Variants in NOS1AP observed in about 807,000 individuals in gnomAD.
NOS1AP encodes carboxyl-terminal PDZ ligand of neuronal nitric oxide synthase protein.
In NOS1AP, 21 loss-of-function variants were observed where a neutral mutation model predicts 56.2. The ratio of observed to expected loss-of-function variants is 0.37; its 90% CI spans 0.26 to 0.54. The LOEUF (loss-of-function observed/expected upper bound fraction) is 0.54. Ranked by LOEUF, NOS1AP falls within the 20% of genes least tolerant of loss-of-function variation. The pLI, the probability that NOS1AP is intolerant of heterozygous loss-of-function variation, is 0.84. For synonymous variants in NOS1AP, 270 were observed against 274.6 expected (o/e 0.98, Z 0.17); for missense variants, 522 against 657.8 (o/e 0.79, Z 2.26).
chr1:162,209,688 A>G (rs1652283138), intron 2 of NOS1AP, among the ~76,000 whole-genome samples: 2 of 152,066 alleles, frequency 1.3e-5, no homozygotes, highest in Non-Finnish European at 2.9e-5. Context: ...GTTGGGCCAG[A>G]GCCCTCCCAA....
At chr1:162,158,824 C>G (rs1228427566) in intron 2 of NOS1AP, among the ~76,000 whole-genome samples, 1 of 152,164 alleles carries the variant, frequency 6.6e-6, no homozygotes, top group Non-Finnish European at 1.5e-5. Context: ...TTGTCCTGCT[C>G]GCTCTTTGTT....
At chr1:162,171,132 A>G (rs1305757452) in intron 2 of NOS1AP, among the ~76,000 whole-genome samples, 2 of 152,080 alleles carry the variant, frequency 1.3e-5, no homozygotes, top group East Asian at 3.9e-4. Flanking sequence ...CACACTCAGC[A>G]TTGTTGCTGC....
chr1:162,185,207 C>CCATCTG (rs1306824957), intron 2 of NOS1AP, among the ~76,000 whole-genome samples: 1 of 152,176 alleles, frequency 6.6e-6, no homozygotes, highest in Non-Finnish European at 1.5e-5. Flanking sequence ...AGTGGCTGAT[C>CCATCTG]CAGGATAATC....
chr1:162,078,592 C>A (rs1037158023), intron 1 of NOS1AP, among the ~76,000 whole-genome samples: 1 of 152,164 alleles, frequency 6.6e-6, no homozygotes. Context: ...CTGAAGGCCT[C>A]CAGTGTCCCA....
chr1:162,075,863 G>C (rs186842352), intron 1 of NOS1AP, among the ~76,000 whole-genome samples: 4 of 152,118 alleles, frequency 2.6e-5, no homozygotes, highest in Admixed American at 2.0e-4. Flanking sequence ...ATTGCTCTCA[G>C]ATGTCCCAGT....
chr1:162,137,792 A>G (rs74125923), intron 1 of NOS1AP, among the ~76,000 whole-genome samples: 9,721 of 152,116 alleles, frequency 0.064, 529 homozygotes, highest in East Asian at 0.18. Context: ...GTGTTGCTGT[A>G]TACCTAGACG....
In NOS1AP at chr1:162,082,211, A is replaced by G. The variant is rs1409239957; in HGVS notation, c.105+11929A>G. ...GTATTTGTTTTTTTTTTGTTCCTGC[A>G]TTAGTTTGCTAAGGATAATGGCTTC... On this transcript the variant is annotated intron_variant, in intron 1 of 9. Transcript: ENST00000361897. Among the ~76,000 whole-genome samples, 12 of 151,678 alleles carry G rather than the reference A, an allele frequency of 7.9e-5. No individual in the cohort carries two copies. In the East Asian group the frequency reaches 9.7e-4, roughly 12 times the overall value.
chr1:162,272,912 C>T (rs899445128), intron 2 of NOS1AP, among the ~76,000 whole-genome samples: 33 of 152,210 alleles, frequency 2.2e-4, no homozygotes, highest in African/African-American at 7.2e-4. Flanking sequence ...CATTATTCCT[C>T]CAATAATGGA....
chr1:162,112,523 C>A (rs1027678380), intron 1 of NOS1AP, among the ~76,000 whole-genome samples: 4 of 152,168 alleles, frequency 2.6e-5, no homozygotes, highest in African/African-American at 7.2e-5. Context: ...CCTGGAGGGC[C>A]CATCCTGCTG....
At chr1:162,086,439 A>C (rs925181445) in intron 1 of NOS1AP, among the ~76,000 whole-genome samples, 1 of 152,108 alleles carries the variant, frequency 6.6e-6, no homozygotes, top group Non-Finnish European at 1.5e-5. Flanking sequence ...TTCCTTGCCC[A>C]CCCTGAGTAG....
At chr1:162,336,727 A>G (rs1310015910) in intron 5 of NOS1AP, among the ~76,000 whole-genome samples, 1 of 152,256 alleles carries the variant, frequency 6.6e-6, no homozygotes, top group Non-Finnish European at 1.5e-5. Flanking sequence ...AAAACTCATA[A>G]GAAAGATACG....
intron 4 of NOS1AP, among the ~76,000 whole-genome samples, chr1:162,322,427 T>C (rs1023774198): frequency 2.0e-5 from 3 of 152,182 alleles, no homozygotes; most frequent in Admixed American, 2.0e-4. Flanking sequence ...AGGTGGATAC[T>C]CTTTCTTCAT....
chr1:162,125,512 C>T (rs1351359598), intron 1 of NOS1AP, among the ~76,000 whole-genome samples: 1 of 152,098 alleles, frequency 6.6e-6, no homozygotes, highest in East Asian at 1.9e-4. Context: ...GTTTTCTCAG[C>T]ATCATTTGTT....
chr1:162,334,581 G>A (rs755954459), intron 5 of NOS1AP, among the ~76,000 whole-genome samples: 2 of 152,172 alleles, frequency 1.3e-5, no homozygotes, highest in Non-Finnish European at 2.9e-5. Flanking sequence ...TGGCTCGTCT[G>A]TAAGGTTCTG....
chr1:162,328,849 A>G (rs1656677210), intron 4 of NOS1AP, among the ~76,000 whole-genome samples: 1 of 152,234 alleles, frequency 6.6e-6, no homozygotes, highest in Admixed American at 6.5e-5. Flanking sequence ...CCTATCAGTG[A>G]TGAATCCTGA....
intron 1 of NOS1AP, among the ~76,000 whole-genome samples, chr1:162,097,868 T>C (rs1161050302): frequency 1.3e-5 from 2 of 152,062 alleles, no homozygotes; most frequent in Non-Finnish European, 2.9e-5. Context: ...GTTTAGTAAG[T>C]TCTTTAAAAT....
chr1:162,233,222 T>C (rs1653181672), intron 2 of NOS1AP, among the ~76,000 whole-genome samples: 1 of 152,186 alleles, frequency 6.6e-6, no homozygotes, highest in African/African-American at 2.4e-5. Flanking sequence ...AGCATTGAGC[T>C]ATATATGGAA....
At chr1:162,164,335 A>G (rs1650375226) in intron 2 of NOS1AP, among the ~76,000 whole-genome samples, 1 of 152,174 alleles carries the variant, frequency 6.6e-6, no homozygotes, top group African/African-American at 2.4e-5. Context: ...CTTTGTTTTG[A>G]TGACTTCTAT....
At chr1:162,214,087 T>C (rs1652459979) in intron 2 of NOS1AP, among the ~76,000 whole-genome samples, 1 of 152,198 alleles carries the variant, frequency 6.6e-6, no homozygotes, top group South Asian at 2.1e-4. Context: ...CATGTGCACA[T>C]GAAACTATCA....
Sources: allele counts gnomAD v4.1 joint callset (sites outside exome capture counted in the v4.1 genomes callset), GRCh38; gene constraint gnomAD v4.1.1; transcripts MANE v1.5; gene names NCBI Gene and HGNC (gene_info 2026-07-23, HGNC 2026-07-21).